PSEN1: variants seen among roughly 807,000 people sequenced by gnomAD.
The protein encoded by PSEN1 is presenilin-1.
A neutral mutation model predicts 53.5 loss-of-function variants in PSEN1; 15 were observed. The ratio of observed to expected loss-of-function variants is 0.28; its 90% CI spans 0.19 to 0.43. The LOEUF (loss-of-function observed/expected upper bound fraction) is 0.43, where lower values mean the gene tolerates loss of function less well. PSEN1 is among the 20% of genes least tolerant of loss of function. PSEN1 has a pLI of 1.00. For synonymous variants in PSEN1, 208 were observed against 209.8 expected (o/e 0.99, Z 0.08); for missense variants, 387 against 571.2 (o/e 0.68, Z 3.29).
At chr14:73,169,719 C>A (rs1228123444) in intron 3 of PSEN1, among the ~76,000 whole-genome samples, 2 of 151,192 alleles carry the variant, frequency 1.3e-5, no homozygotes, top group Admixed American at 1.3e-4. Context: ...GATCTCTGCT[C>A]ACTGCAGCCT....
Position 73,170,970 on chromosome 14 carries a change from C to T in PSEN1, c.261C>T (p.Val87=), listed in dbSNP as rs774257366. Residue 87 remains valine (V), a synonymous_variant, in exon 4 of 12, where the codon GTC becomes GTT. Transcript: ENST00000324501. ...YGAKHVIMLF[V]PVTLCMVVVV... is the part of the protein sequence containing the mutation. ...CCAAGCATGTGATCATGCTCTTTGT[C>T]CCTGTGACTCTCTGCATGGTGGTGG... is the stretch of plus-strand genomic sequence containing the variant. 2.5e-6 allele frequency: 4 copies of T among 1,614,056 alleles called. No homozygotes were observed. Among genetic ancestry groups the T allele is most frequent in the Non-Finnish European group, 3.4e-6 (4 of 1,180,050 alleles).
intron 3 of PSEN1, among the ~76,000 whole-genome samples, chr14:73,159,728 T>C (rs1479122924): frequency 6.6e-6 from 1 of 152,228 alleles, no homozygotes; most frequent in Non-Finnish European, 1.5e-5. Flanking sequence ...TCTATACTCA[T>C]TGGACAACTT....
intron 5 of PSEN1, among the ~76,000 whole-genome samples, chr14:73,185,264 G>A (rs1205461024): frequency 1.3e-5 from 2 of 152,026 alleles, no homozygotes; most frequent in African/African-American, 2.4e-5. Flanking sequence ...CGGCTGGGAG[G>A]TGGAGGTTGT....
intron 1 of PSEN1, among the ~76,000 whole-genome samples, chr14:73,141,307 A>G (rs1418276690): frequency 1.3e-5 from 2 of 151,174 alleles, no homozygotes; most frequent in African/African-American, 4.9e-5. Context: ...GTGGAGTGGG[A>G]TGGAAGGAGA....
At chr14:73,218,383 A>G (rs969178435) in intron 11 of PSEN1, among the ~76,000 whole-genome samples, 1 of 152,058 alleles carries the variant, frequency 6.6e-6, no homozygotes, top group Non-Finnish European at 1.5e-5. Context: ...CACTGTGCCC[A>G]ACCTGAAAAC....
chr14:73,167,100 A>C (rs1897739917), intron 3 of PSEN1, among the ~76,000 whole-genome samples: 1 of 151,998 alleles, frequency 6.6e-6, no homozygotes, highest in South Asian at 2.1e-4. Flanking sequence ...TGATTTGTTT[A>C]TTCAGCTCAT....
At chr14:73,203,107 T>C (rs1899298423) in intron 8 of PSEN1, among the ~76,000 whole-genome samples, 1 of 152,136 alleles carries the variant, frequency 6.6e-6, no homozygotes, top group Admixed American at 6.6e-5. Context: ...AGATGGAGTT[T>C]CACTCTTGTT....
In PSEN1 at chr14:73,192,625, C is replaced by A. The variant is rs201724748; in HGVS notation, c.549-19C>A. The A allele has an allele frequency of 6.5e-7, 1 of 1,527,688 alleles. No individual in the cohort carries two copies. Among genetic ancestry groups the A allele is most frequent in the Non-Finnish European group, 9.1e-7 (1 of 1,101,408 alleles). 94.6% of individuals were successfully genotyped at this position (1,527,688 alleles called of 1,614,324 possible). On this transcript the variant is annotated intron_variant, in intron 6 of 11. Coordinates refer to ENST00000324501, the MANE Select transcript of PSEN1 (RefSeq NM_000021.4). ...AAAATTATTGTACATCTTTTAAAAT[C>A]TGTGTAATTTTTTTTCAGGGAAGTG...
At chr14:73,171,075 T>G (rs200465950) in intron 4 of PSEN1, 28 bp downstream of exon 4, 24 of 1,613,280 alleles carry the variant, frequency 1.5e-5, no homozygotes, top group African/African-American at 2.7e-5. Context: ...TTTATTATTC[T>G]CAAAGCCAGT....
rs760051592 is a variant in PSEN1, at chr14:73,211,838, C to G, written c.1025C>G (p.Ala342Gly). ...GGCGGGTTCAGTGAGGAATGGGAAG[C>G]CCAGAGGGACAGTCATCTAGGGCCT... ...DDGGFSEEWE[A>G]QRDSHLGPHR... The change falls in exon 10 of 12, where the codon GCC (alanine) becomes GGC (glycine). Residue 342 changes from alanine (A) to glycine (G), a missense_variant. Physicochemically the swap from Ala to Gly is moderately conservative, Grantham distance 60. Transcript: ENST00000324501. 6.2e-7 allele frequency: 1 copy of G among 1,614,032 alleles called. No individual in the cohort carries two copies. The highest frequency in any genetic ancestry group is 1.1e-5 in the South Asian group (1 of 91,078).
intron 5 of PSEN1, among the ~76,000 whole-genome samples, chr14:73,182,430 G>A (rs1566635239): frequency 1.3e-5 from 2 of 152,104 alleles, no homozygotes; most frequent in African/African-American, 2.4e-5. Flanking sequence ...CCAGTGGTTC[G>A]AGATTGCAGT....
intron 3 of PSEN1, among the ~76,000 whole-genome samples, chr14:73,165,064 C>T (rs968813714): frequency 1.3e-5 from 2 of 152,104 alleles, no homozygotes; most frequent in South Asian, 2.1e-4. Context: ...TCAAACGATT[C>T]GCCTGCCTCA....
rs190961956 is a variant in PSEN1 at position 73,199,848 on chromosome 14, C to G, written c.868+1719C>G. Reference sequence around the variant, plus strand: ...GCAACCTCCGCCTCCTGGGTTCAAGCAGTTCTCCTGCCTCAGCCTCCGGAG... The same window carrying G: ...GCAACCTCCGCCTCCTGGGTTCAAGGAGTTCTCCTGCCTCAGCCTCCGGAG... On this transcript the variant is annotated intron_variant, in intron 8 of 11. Coordinates refer to ENST00000324501, the MANE Select transcript of PSEN1 (RefSeq NM_000021.4). Among the ~76,000 whole-genome samples, 262 of 152,262 alleles carry G rather than the reference C, an allele frequency of 1.7e-3. 1 individual carries two copies. Among genetic ancestry groups the G allele is most frequent in the Non-Finnish European group, 6.0e-4 (41 of 68,016 alleles).
chr14:73,186,637 C>T (rs1236489099), intron 5 of PSEN1, among the ~76,000 whole-genome samples: 4 of 151,898 alleles, frequency 2.6e-5, no homozygotes, highest in Non-Finnish European at 2.9e-5. Flanking sequence ...ATTAGCCTAG[C>T]GTGGTGGCGC....
chr14:73,222,039 C>T lies in PSEN1; in HGVS notation c.*2750C>T, dbSNP rs1482095046. The T allele has an allele frequency of 1.3e-5, 2 of 152,190 alleles. No individual in the cohort carries two copies. Among genetic ancestry groups the T allele is most frequent in the African/African-American group, 2.4e-5 (1 of 41,444 alleles). The allele number at this position is 152,190 out of a possible 1,614,324, so 9.4% of individuals were successfully genotyped here. A position where few individuals can be genotyped will look rare whatever the true frequency, so the allele number is the denominator to read the frequency against. On this transcript the variant is annotated 3_prime_UTR_variant, in exon 12 of 12. Transcript: ENST00000324501. ...GGTATTTATGGACAGAATGTCATTA[C>T]ATGCCTATGGGAATACCAATCATAT...
chr14:73,184,029 A>G (rs1288407872), intron 5 of PSEN1, among the ~76,000 whole-genome samples: 2 of 114,576 alleles, frequency 1.7e-5, no homozygotes, highest in African/African-American at 3.8e-5. Context: ...CACCTCCCGG[A>G]CGGGGCGGCT....
chr14:73,184,396 C>A (rs533761451), intron 5 of PSEN1, among the ~76,000 whole-genome samples: 1 of 117,540 alleles, frequency 8.5e-6, no homozygotes, highest in Non-Finnish European at 1.8e-5. Context: ...GGGGGCTGAC[C>A]CCCCCACCTC....
intron 3 of PSEN1, among the ~76,000 whole-genome samples, chr14:73,150,019 TAGTC>T (rs1164340771): frequency 6.6e-6 from 1 of 152,212 alleles, no homozygotes; most frequent in African/African-American, 2.4e-5. Context: ...GATGACAGAA[TAGTC>T]AGAGAGCTGA....
intron 4 of PSEN1, among the ~76,000 whole-genome samples, chr14:73,172,872 G>A (rs1566630469): frequency 6.6e-6 from 1 of 152,114 alleles, no homozygotes; most frequent in Non-Finnish European, 1.5e-5. Context: ...TGGAGCCCTA[G>A]CCTTCATTCT....
Sources: gnomAD v4.1 joint callset for allele counts (sites outside exome capture counted in the v4.1 genomes callset) on GRCh38, gnomAD v4.1.1 for gene constraint, MANE v1.5 for transcripts, NCBI Gene and HGNC (gene_info 2026-07-23, HGNC 2026-07-21) for gene names.